The following ITGA1 variants were observed in gnomAD, a reference collection of about 807,000 sequenced individuals.
ITGA1 encodes integrin subunit alpha 1, also known as integrin alpha-1.
In ITGA1, 85 loss-of-function variants were observed where a neutral mutation model predicts 145.9. The observed-to-expected ratio is 0.58, with a 90% CI of 0.49 to 0.70. The LOEUF (loss-of-function observed/expected upper bound fraction) is 0.70. Among genes scored for constraint, ITGA1 ranks in the 30% least tolerant of loss-of-function variants. The probability of loss-of-function intolerance (pLI) is 0.00; values close to 1 mark genes in which losing one functional copy is unlikely to be tolerated. For missense variants in ITGA1, 1,351 were observed against 1,418.7 expected (o/e 0.95, Z 0.77); for synonymous variants, 520 against 495.3 (o/e 1.05, Z -0.66).
At chr5:52,795,735 C>A (rs1405118014) in intron 1 of ITGA1, among the ~76,000 whole-genome samples, 1 of 151,882 alleles carries the variant, frequency 6.6e-6, no homozygotes, top group East Asian at 1.9e-4. Flanking sequence ...TCAAGCCAGG[C>A]ATTTTTAGAG....
In ITGA1 at chr5:52,791,709, G is replaced by A. The variant is rs1748245089; in HGVS notation, c.61+3295G>A. Among the ~76,000 whole-genome samples, 3 of 149,094 alleles carry A rather than the reference G, an allele frequency of 2.0e-5. No individual in the cohort carries two copies. The South Asian group carries it at 6.3e-4, about 31-fold the overall frequency. The stretch of plus-strand genomic sequence containing the variant: ...AATTAAGTTTACTAATTGATCACAA[G>A]CAGTCACAGATTTCTTTGTTCTTTT... On this transcript the variant is annotated intron_variant, in intron 1 of 28. Transcript: ENST00000282588.
intron 6 of ITGA1, among the ~76,000 whole-genome samples, chr5:52,874,946 A>G (rs1749842123): frequency 6.6e-6 from 1 of 152,162 alleles, no homozygotes; most frequent in Admixed American, 6.5e-5. Flanking sequence ...GATCCTCACA[A>G]AAAAATATTA....
Position 52,910,439 on chromosome 5 carries a change from G to A in ITGA1, c.1857+20G>A. 6.2e-7 allele frequency: 1 copy of A among 1,602,828 alleles called. No homozygotes were observed. The highest frequency in any genetic ancestry group is 8.5e-7 in the Non-Finnish European group (1 of 1,171,138). ...GCACAAGTAAGAATTGAAACCTACA[G>A]ATTCCCACCCTTCAGTGATAAGTCG... On this transcript the variant is annotated intron_variant, in intron 14 of 28. Transcript: ENST00000282588.
chr5:52,869,358 G>T (rs752847898), intron 6 of ITGA1, among the ~76,000 whole-genome samples: 1 of 151,922 alleles, frequency 6.6e-6, no homozygotes, highest in African/African-American at 2.4e-5. Context: ...ATAGGGTTTC[G>T]CCATGTTGGC....
rs190867240 is a variant in ITGA1 at position 52,935,155 on chromosome 5, C to G, written c.2964+1159C>G. On this transcript the variant is annotated intron_variant, in intron 23 of 28. Coordinates refer to ENST00000282588, the MANE Select transcript of ITGA1 (RefSeq NM_181501.2). ...TATGAATTACATTGCTAAGAATATT[C>G]CTGAGCATAAAACTTTGTGTGTATC... is the stretch of plus-strand genomic sequence containing the variant. Among the ~76,000 whole-genome samples, 89 of 152,072 alleles carry G rather than the reference C, an allele frequency of 5.9e-4. 2 individuals are homozygous for G. In the East Asian group the frequency reaches 0.01, roughly 18 times the overall value.
At chr5:52,879,421 T>C (rs906070757) in intron 6 of ITGA1, among the ~76,000 whole-genome samples, 1 of 152,190 alleles carries the variant, frequency 6.6e-6, no homozygotes, top group African/African-American at 2.4e-5. Context: ...GAATTAGCCA[T>C]AATGATTATC....
chr5:52,952,339 C>A, intron 28 of ITGA1, 68 bp from the exon 29 acceptor site: 1 of 795,788 alleles, frequency 1.3e-6, no homozygotes, highest in South Asian at 2.0e-5. Flanking sequence ...TAATTCTATC[C>A]AAAGGATTAA....
chr5:52,865,036 C>A lies in ITGA1; in HGVS notation c.450C>A (p.Asp150Glu). 1 of 1,613,832 alleles carries A rather than the reference C, an allele frequency of 6.2e-7. No homozygotes were observed. The highest frequency in any genetic ancestry group is 2.2e-5 in the East Asian group (1 of 44,844). ...ATTACACAACTGGAATCTGTTCTGACGTCAGCCCCACATTTCAAGTCGTGA... is the reference window on the plus strand; with the variant it reads ...ATTACACAACTGGAATCTGTTCTGAAGTCAGCCCCACATTTCAAGTCGTGA... ...HLHYTTGICSDVSPTFQVVNS... is the reference protein window; with the variant it reads ...HLHYTTGICSEVSPTFQVVNS... The change falls in exon 5 of 29, where the codon GAC becomes GAA. Residue 150 changes from aspartate (D) to glutamate (E), a missense_variant. Asp to Glu is a conservative substitution (Grantham distance 45, BLOSUM62 2). Transcript: ENST00000282588.
intron 11 of ITGA1, chr5:52,903,794 T>C (rs1006294490): frequency 1.3e-5 from 2 of 152,348 alleles, no homozygotes; most frequent in East Asian, 3.9e-4. Flanking sequence ...TTTTATTCAT[T>C]GATATGGCTC....
At chr5:52,847,427 T>C (rs1580059780) in intron 1 of ITGA1, among the ~76,000 whole-genome samples, 1 of 152,176 alleles carries the variant, frequency 6.6e-6, no homozygotes, top group East Asian at 1.9e-4. Context: ...GGAAAGATAA[T>C]TTTTCAGGAT....
At chr5:52,937,106 G>T (rs1321099311) in intron 23 of ITGA1, among the ~76,000 whole-genome samples, 4 of 150,284 alleles carry the variant, frequency 2.7e-5, no homozygotes, top group Admixed American at 1.3e-4. Context: ...CATAATAACA[G>T]ACAAAAACTT....
At chr5:52,908,669 C>T (rs1241520735) in intron 12 of ITGA1, among the ~76,000 whole-genome samples, 2 of 152,104 alleles carry the variant, frequency 1.3e-5, no homozygotes, top group Admixed American at 6.6e-5. Flanking sequence ...TACTGTCAAG[C>T]GATGAAATCT....
intron 8 of ITGA1, chr5:52,889,945 T>C (rs899382980): frequency 6.6e-6 from 1 of 152,168 alleles, no homozygotes; most frequent in Non-Finnish European, 1.5e-5. Context: ...CTTTCCTTTA[T>C]TTTTTGGATT....
intron 26 of ITGA1, among the ~76,000 whole-genome samples, chr5:52,943,776 G>T (rs1176580602): frequency 1.3e-5 from 2 of 152,108 alleles, no homozygotes; most frequent in Admixed American, 6.5e-5. Context: ...CTGAGATGGG[G>T]GCTCCTCCCC....
rs796636464 is a variant in ITGA1, at chr5:52,807,994, G to A, written c.61+19580G>A. ...TAGAAATTAGATATCAGCAGGAGAT[G>A]ACCACAAGTGGCCAAGTTGACAGAA... On this transcript the variant is annotated intron_variant, in intron 1 of 28. Coordinates refer to ENST00000282588, the MANE Select transcript of ITGA1 (RefSeq NM_181501.2). Among the ~76,000 whole-genome samples, 73 of 152,246 alleles carry A rather than the reference G, an allele frequency of 4.8e-4. 1 individual carries two copies. Among genetic ancestry groups the A allele is most frequent in the African/African-American group, 1.7e-3 (71 of 41,536 alleles).
At chr5:52,912,343 GTATA>G (rs1317617345) in intron 14 of ITGA1, among the ~76,000 whole-genome samples, 8 of 141,296 alleles carry the variant, frequency 5.7e-5, no homozygotes, top group Non-Finnish European at 9.2e-5. Flanking sequence ...AGTGTATCCA[GTATA>G]TGTATTATAT....
chr5:52,870,477 T>C (rs1183098588), intron 6 of ITGA1, among the ~76,000 whole-genome samples: 1 of 152,182 alleles, frequency 6.6e-6, no homozygotes, highest in Non-Finnish European at 1.5e-5. Flanking sequence ...GATTTCTCTG[T>C]AGAAAGAGCC....
chr5:52,849,030 A>G (rs1469635482), intron 1 of ITGA1, among the ~76,000 whole-genome samples: 1 of 152,180 alleles, frequency 6.6e-6, no homozygotes. Flanking sequence ...CAGTGCCACA[A>G]TAGACATACG....
intron 8 of ITGA1, among the ~76,000 whole-genome samples, chr5:52,891,250 TG>T (rs1187207394): frequency 6.1e-5 from 8 of 131,854 alleles, no homozygotes; most frequent in Non-Finnish European, 8.3e-5. Flanking sequence ...TACCCAGCAA[TG>T]TTTTTTTTTT....
Sources: allele counts gnomAD v4.1 joint callset (sites outside exome capture counted in the v4.1 genomes callset), GRCh38; gene constraint gnomAD v4.1.1; transcripts MANE v1.5; gene names NCBI Gene and HGNC (gene_info 2026-07-23, HGNC 2026-07-21).